SOX6: variants seen among roughly 807,000 people sequenced by gnomAD.
SOX6 encodes SRY-box transcription factor 6, also known as transcription factor SOX-6.
In SOX6, 11 loss-of-function variants were observed where a neutral mutation model predicts 97.8. The observed-to-expected ratio is 0.11, with a 90% CI of 0.07 to 0.19. The LOEUF (loss-of-function observed/expected upper bound fraction) is 0.19, where lower values mean the gene tolerates loss of function less well. Among genes scored for constraint, SOX6 ranks in the 10% least tolerant of loss-of-function variants. The pLI is 1.00. For missense variants in SOX6, 810 were observed against 1,039.5 expected (o/e 0.78, Z 3.04); for synonymous variants, 360 against 371.4 (o/e 0.97, Z 0.35).
At chr11:16,093,894 T>A (rs1156258668) in intron 9 of SOX6, among the ~76,000 whole-genome samples, 1 of 151,940 alleles carries the variant, frequency 6.6e-6, no homozygotes, top group Non-Finnish European at 1.5e-5. Flanking sequence ...ACTATGCTAT[T>A]CACAGATGTC....
intron 4 of SOX6, among the ~76,000 whole-genome samples, chr11:16,582,856 T>C (rs984123688): frequency 6.6e-6 from 1 of 152,100 alleles, no homozygotes; most frequent in Non-Finnish European, 1.5e-5. Context: ...ATAGGTAAGA[T>C]TTTTTAACCC....
chr11:16,721,570 C>CCCTT (rs1848265333), intron 2 of SOX6, among the ~76,000 whole-genome samples: 1 of 21,856 alleles, frequency 4.6e-5, no homozygotes, highest in African/African-American at 1.7e-4. Flanking sequence ...CTCCCTCCCT[C>CCCTT]CCTCCCTCCC....
intron 1 of SOX6, among the ~76,000 whole-genome samples, chr11:16,403,398 C>T (rs1292290381): frequency 2.0e-5 from 3 of 151,762 alleles, no homozygotes; most frequent in East Asian, 1.9e-4. Flanking sequence ...GCGGCCATAC[C>T]GGCACTCTGT....
At chr11:16,636,533 G>C (rs1038954348) in intron 3 of SOX6, among the ~76,000 whole-genome samples, 1 of 152,170 alleles carries the variant, frequency 6.6e-6, no homozygotes. Flanking sequence ...GTTAATGCTG[G>C]AATGAGTTAA....
At chr11:16,551,616 T>A (rs6486295) in intron 4 of SOX6, among the ~76,000 whole-genome samples, 5,058 of 151,920 alleles carry the variant, frequency 0.033, 271 homozygotes, top group African/African-American at 0.11. Flanking sequence ...ATATATATAT[T>A]TTTTTGAGAC....
intron 4 of SOX6, 128 bp downstream of exon 4, chr11:16,234,454 C>T: frequency 3.5e-6 from 2 of 578,932 alleles, no homozygotes; most frequent in Non-Finnish European, 3.0e-6. Context: ...TAATATTCAC[C>T]CTCTCATGTA....
At chr11:16,089,514 G>T (rs1425475098) in intron 9 of SOX6, among the ~76,000 whole-genome samples, 1 of 152,044 alleles carries the variant, frequency 6.6e-6, no homozygotes, top group Non-Finnish European at 1.5e-5. Flanking sequence ...ATACAGAAGA[G>T]AATCCAGTTA....
At chr11:16,153,261 G>A (rs1050113792) in intron 6 of SOX6, among the ~76,000 whole-genome samples, 1 of 152,120 alleles carries the variant, frequency 6.6e-6, no homozygotes, top group Non-Finnish European at 1.5e-5. Context: ...ACCCATCTCA[G>A]CCTCCAAAAG....
chr11:16,574,921 TCTC>T (rs1378272935), intron 4 of SOX6, among the ~76,000 whole-genome samples: 2 of 151,892 alleles, frequency 1.3e-5, no homozygotes, highest in Non-Finnish European at 2.9e-5. Context: ...ACGCCTGTAA[TCTC>T]AGCCACTCAG....
intron 3 of SOX6, among the ~76,000 whole-genome samples, chr11:16,281,766 T>C (rs1468904623): frequency 1.3e-5 from 2 of 151,690 alleles, no homozygotes; most frequent in African/African-American, 2.4e-5. Context: ...CCCAATATTA[T>C]AAAAGATTCA....
intron 9 of SOX6, among the ~76,000 whole-genome samples, chr11:16,076,910 C>T (rs1465046704): frequency 2.6e-5 from 4 of 151,346 alleles, no homozygotes; most frequent in Non-Finnish European, 4.4e-5. Flanking sequence ...CCCGCCACCG[C>T]GCCCGGCTAA....
chr11:16,072,763 AC>A (rs1256436835), intron 9 of SOX6, among the ~76,000 whole-genome samples: 5 of 152,204 alleles, frequency 3.3e-5, no homozygotes, highest in Non-Finnish European at 7.3e-5. Context: ...CAGAAACCCT[AC>A]AAGCCATAAG....
rs188749245 is a variant in SOX6 at position 16,020,499 on chromosome 11, T to C, written c.1624-5449A>G. 3.9e-5 allele frequency among the ~76,000 whole-genome samples: 6 copies of C among 152,230 alleles called. No individual in the cohort carries two copies. In the East Asian group the frequency reaches 9.7e-4, roughly 25 times the overall value. On this transcript the variant is annotated intron_variant, in intron 12 of 15. Transcript: ENST00000683767. ...ATGGTTTTCAAGATCTTTCATACAC[T>C]GCTCCCCACACACCTTTTTAAACTC... is the stretch of plus-strand genomic sequence containing the variant.
At position 16,094,459 on chromosome 11, in the gene SOX6, C is replaced by T. The variant is rs1288466124; in HGVS notation, c.1101+1537G>A. 2.0e-5 allele frequency among the ~76,000 whole-genome samples: 3 copies of T among 151,928 alleles called. No individual in the cohort carries two copies. In the East Asian group the frequency reaches 5.8e-4, roughly 30 times the overall value. The stretch of plus-strand genomic sequence containing the variant: ...AAAAGAAAAGTCCAACAGGAAAGTC[C>T]AACAGGAGAGAAAGAAAAGTCCCAC... On this transcript the variant is annotated intron_variant, in intron 9 of 15. Transcript: ENST00000683767.
At chr11:16,129,526 G>C (rs906365614) in intron 6 of SOX6, among the ~76,000 whole-genome samples, 2 of 152,054 alleles carry the variant, frequency 1.3e-5, no homozygotes, top group African/African-American at 4.8e-5. Flanking sequence ...AAGGGTTAAG[G>C]TACTAGTTTT....
At chr11:16,507,334 C>A (rs1769760830) in intron 4 of SOX6, among the ~76,000 whole-genome samples, 1 of 152,064 alleles carries the variant, frequency 6.6e-6, no homozygotes, top group African/African-American at 2.4e-5. Flanking sequence ...AATAACCATA[C>A]TAACCAAAGC....
intron 1 of SOX6, among the ~76,000 whole-genome samples, chr11:16,398,279 C>A (rs1262474138): frequency 6.6e-6 from 1 of 151,490 alleles, no homozygotes; most frequent in African/African-American, 2.4e-5. Context: ...GCGAGTTTGA[C>A]CTTGACCTTT....
chr11:16,407,833 C>T (rs1167173057), intron 1 of SOX6, among the ~76,000 whole-genome samples: 1 of 151,918 alleles, frequency 6.6e-6, no homozygotes, highest in Admixed American at 6.6e-5. Flanking sequence ...AAAAAGGAAA[C>T]TAAATGACAT....
chr11:16,526,583 T>G (rs1003811411), intron 4 of SOX6, among the ~76,000 whole-genome samples: 9 of 151,896 alleles, frequency 5.9e-5, no homozygotes, highest in Non-Finnish European at 1.0e-4. Flanking sequence ...TGTATACATA[T>G]GTAACTAACC....
Sources: gnomAD v4.1 joint callset for allele counts (sites outside exome capture counted in the v4.1 genomes callset) on GRCh38, gnomAD v4.1.1 for gene constraint, MANE v1.5 for transcripts, NCBI Gene and HGNC (gene_info 2026-07-23, HGNC 2026-07-21) for gene names.